ITPR1: variants seen among roughly 807,000 people sequenced by gnomAD.
ITPR1 encodes inositol 1,4,5-trisphosphate receptor type 1, also known as inositol 1,4,5-trisphosphate-gated calcium channel ITPR1.
Under a neutral mutation model 318.4 loss-of-function variants are expected in ITPR1, and 96 were observed. The ratio of observed to expected loss-of-function variants is 0.30; its 90% CI spans 0.26 to 0.36. ITPR1 has a LOEUF of 0.36. ITPR1 is among the 10% of genes least tolerant of loss of function. ITPR1 has a pLI of 1.00. For synonymous variants in ITPR1, 1,312 were observed against 1,289.9 expected (o/e 1.02, Z -0.37); for missense variants, 2,440 against 3,460.2 (o/e 0.71, Z 7.40).
intron 60 of ITPR1, chr3:4,825,657 G>A (rs1259436078): frequency 1.1e-5 from 5 of 450,694 alleles, no homozygotes; most frequent in Admixed American, 2.4e-5. Flanking sequence ...AGAAAGCAAC[G>A]TGTTAACAAG....
At chr3:4,585,049 C>T (rs2089750428) in intron 4 of ITPR1, among the ~76,000 whole-genome samples, 2 of 152,256 alleles carry the variant, frequency 1.3e-5, no homozygotes, top group South Asian at 2.1e-4. Context: ...CTGGTGAGAC[C>T]CACCCTCCGA....
intron 4 of ITPR1, among the ~76,000 whole-genome samples, chr3:4,522,783 C>T (rs2082665283): frequency 1.3e-5 from 2 of 152,240 alleles, no homozygotes; most frequent in African/African-American, 2.4e-5. Flanking sequence ...CTGTGCTAAG[C>T]ACTCTGCCTG....
intron 4 of ITPR1, among the ~76,000 whole-genome samples, chr3:4,522,412 G>A (rs1018393432): frequency 6.6e-6 from 1 of 152,152 alleles, no homozygotes; most frequent in South Asian, 2.1e-4. Flanking sequence ...GAATAAAATA[G>A]AACTCAGACG....
intron 4 of ITPR1, among the ~76,000 whole-genome samples, chr3:4,522,240 A>C (rs1251567831): frequency 2.0e-5 from 3 of 152,206 alleles, no homozygotes; most frequent in Admixed American, 6.5e-5. Context: ...GATTCTTTAC[A>C]GCCAGGGCGG....
intron 4 of ITPR1, among the ~76,000 whole-genome samples, chr3:4,617,120 A>ACTTAC (rs2092418322): frequency 1.3e-5 from 2 of 152,116 alleles, no homozygotes; most frequent in Admixed American, 1.3e-4. Context: ...GACTTATACC[A>ACTTAC]GTTGCCACTC....
Position 4,572,438 on chromosome 3 carries a change from A to T in ITPR1, c.163+51344A>T, listed in dbSNP as rs948099995. ...ATTATAGTTCTAATATAGTATATAT[A>T]TTATAAAAGAACGCAAATTTGCAAG... On this transcript the variant is annotated intron_variant, in intron 4 of 61. Coordinates refer to ENST00000649015, the MANE Select transcript of ITPR1 (RefSeq NM_001378452.1). 2.2e-4 allele frequency among the ~76,000 whole-genome samples: 34 copies of T among 152,218 alleles called. 1 individual carries two copies. Among genetic ancestry groups the T allele is most frequent in the South Asian group, 2.1e-4 (1 of 4,824 alleles).
chr3:4,729,586 T>G (rs1291708563), intron 42 of ITPR1, among the ~76,000 whole-genome samples: 1 of 152,240 alleles, frequency 6.6e-6, no homozygotes. Flanking sequence ...CTTAGTGCCT[T>G]GTTCAACACT....
intron 15 of ITPR1, 32 bp from the exon 16 acceptor site, chr3:4,663,033 C>T (rs745631450): frequency 2.5e-6 from 4 of 1,608,792 alleles, no homozygotes; most frequent in Middle Eastern, 1.6e-4. Context: ...ACACTGAACA[C>T]ATCTGTCTCT....
At chr3:4,629,134 C>A (rs561230544) in intron 5 of ITPR1, among the ~76,000 whole-genome samples, 6 of 152,346 alleles carry the variant, frequency 3.9e-5, no homozygotes, top group East Asian at 3.9e-4. Context: ...TGGTCCATGC[C>A]TGGACCCTGC....
intron 37 of ITPR1, among the ~76,000 whole-genome samples, chr3:4,708,430 G>A (rs763959065): frequency 1.3e-5 from 2 of 152,028 alleles, no homozygotes; most frequent in Non-Finnish European, 2.9e-5. Flanking sequence ...GGATTTCTCG[G>A]GTCAAGTTAA....
Position 4,783,803 on chromosome 3 carries a change from C to T in ITPR1, c.6511-13C>T, listed in dbSNP as rs1453990332. The T allele has an allele frequency of 3.2e-6, 5 of 1,581,166 alleles. No homozygotes were observed. The highest frequency in any genetic ancestry group is 4.3e-6 in the Non-Finnish European group (5 of 1,160,204). The stretch of plus-strand genomic sequence containing the variant: ...AGACACCAACCTCCTGTATCTCTGT[C>T]CCTGTATTCTAGTTGGCTCGGCATA... On this transcript the variant is annotated splice_polypyrimidine_tract_variant and intron_variant, in intron 50 of 61. Transcript: ENST00000649015.
At chr3:4,700,006 A>G in intron 35 of ITPR1, 65 bp downstream of exon 35, 2 of 1,470,890 alleles carry the variant, frequency 1.4e-6, no homozygotes, top group Middle Eastern at 1.8e-4. Flanking sequence ...GCTTGATGTG[A>G]ATTTGGGAGT....
At chr3:4,772,436 C>A (rs929832757) in intron 46 of ITPR1, among the ~76,000 whole-genome samples, 1 of 152,252 alleles carries the variant, frequency 6.6e-6, no homozygotes, top group Non-Finnish European at 1.5e-5. Flanking sequence ...CTTTGCCAAA[C>A]AGGCAGTTGC....
At chr3:4,838,669 G>A (rs542662685) in intron 61 of ITPR1, among the ~76,000 whole-genome samples, 1 of 152,210 alleles carries the variant, frequency 6.6e-6, no homozygotes, top group South Asian at 2.1e-4. Context: ...TACTGGAATT[G>A]CAACAGTGAG....
At chr3:4,655,656 T>C (rs1373995376) in intron 12 of ITPR1, among the ~76,000 whole-genome samples, 1 of 152,158 alleles carries the variant, frequency 6.6e-6, no homozygotes, top group Non-Finnish European at 1.5e-5. Flanking sequence ...TTGAGAGTGG[T>C]CCAGACTCAT....
intron 55 of ITPR1, among the ~76,000 whole-genome samples, chr3:4,806,843 C>T (rs2048585763): frequency 6.6e-6 from 1 of 152,124 alleles, no homozygotes; most frequent in Non-Finnish European, 1.5e-5. Flanking sequence ...CACCTTCCTC[C>T]TGAGCAGGTT....
intron 4 of ITPR1, among the ~76,000 whole-genome samples, chr3:4,596,908 T>C (rs2090872726): frequency 6.6e-6 from 1 of 152,234 alleles, no homozygotes; most frequent in Non-Finnish European, 1.5e-5. Context: ...TACGTCACCT[T>C]TTAGAGGCTG....
At chr3:4,747,009 A>G (rs1186110945) in intron 44 of ITPR1, among the ~76,000 whole-genome samples, 1 of 152,188 alleles carries the variant, frequency 6.6e-6, no homozygotes, top group East Asian at 1.9e-4. Flanking sequence ...GAATAGAAAC[A>G]TGAGGATGTG....
chr3:4,838,903 C>T lies in ITPR1; in HGVS notation c.8190+1968C>T, dbSNP rs1178886006. 2.6e-5 allele frequency among the ~76,000 whole-genome samples: 4 copies of T among 152,232 alleles called. 1 individual carries two copies. On this transcript the variant is annotated intron_variant, in intron 61 of 61. Coordinates refer to ENST00000649015, the MANE Select transcript of ITPR1 (RefSeq NM_001378452.1). ...GGCAACGCCTCCCTACACTATCTGT[C>T]CTTTCAGAGCTAAGAATCTGTTATT...
Sources: allele counts gnomAD v4.1 joint callset (sites outside exome capture counted in the v4.1 genomes callset), GRCh38; gene constraint gnomAD v4.1.1; transcripts MANE v1.5; gene names NCBI Gene and HGNC (gene_info 2026-07-23, HGNC 2026-07-21).